STX18: variants seen among roughly 807,000 people sequenced by gnomAD.
STX18 encodes the protein syntaxin 18, also known as syntaxin-18.
STX18 carries 40 observed loss-of-function variants against 50.1 expected under a neutral mutation model. The ratio of observed to expected loss-of-function variants is 0.80; its 90% CI spans 0.62 to 1.04. STX18 has a LOEUF of 1.04. STX18 is among the 50% of genes least tolerant of loss of function. The probability of loss-of-function intolerance (pLI) is 0.00; values close to 1 mark genes in which losing one functional copy is unlikely to be tolerated. For synonymous variants in STX18, 158 were observed against 151.8 expected (o/e 1.04, Z -0.30); for missense variants, 410 against 415.8 (o/e 0.99, Z 0.12).
chr4:4,539,086 T>C (rs1476023192), intron 1 of STX18, among the ~76,000 whole-genome samples: 1 of 152,184 alleles, frequency 6.6e-6, no homozygotes, highest in Non-Finnish European at 1.5e-5. Flanking sequence ...GCAGTTTCAA[T>C]GCAATTTTAT....
At position 4,527,808 on chromosome 4, in the gene STX18, T is replaced by A. The variant is rs980408316; in HGVS notation, c.168+13989A>T. Among the ~76,000 whole-genome samples the A allele has an allele frequency of 4.8e-5, 7 of 146,976 alleles. No homozygotes were observed. In the South Asian group the frequency reaches 1.1e-3, roughly 22 times the overall value. Reference sequence around the variant, plus strand: ...TATAATTTTATATATATATATGTTTTTATATATATATAATTTTATATATAT... The same window carrying A: ...TATAATTTTATATATATATATGTTTATATATATATATAATTTTATATATAT... On this transcript the variant is annotated intron_variant, in intron 1 of 10. Transcript: ENST00000306200.
intron 1 of STX18, among the ~76,000 whole-genome samples, chr4:4,529,906 G>A (rs1353036888): frequency 3.3e-5 from 5 of 152,110 alleles, no homozygotes; most frequent in African/African-American, 1.2e-4. Flanking sequence ...ATTTGTGGAT[G>A]ATTTTCTCAT....
At chr4:4,533,116 G>T (rs1329681880) in intron 1 of STX18, among the ~76,000 whole-genome samples, 1 of 152,174 alleles carries the variant, frequency 6.6e-6, no homozygotes, top group Non-Finnish European at 1.5e-5. Flanking sequence ...CAACTGTGCT[G>T]CAAGCTTTCC....
At chr4:4,491,198 G>A (rs548471692) in intron 1 of STX18, among the ~76,000 whole-genome samples, 53 of 151,450 alleles carry the variant, frequency 3.5e-4, no homozygotes, top group African/African-American at 1.2e-3. Context: ...AAGCATTCCC[G>A]GATCAGGCAT....
At chr4:4,460,223 T>A (rs2108820108) in intron 2 of STX18, among the ~76,000 whole-genome samples, 1 of 152,308 alleles carries the variant, frequency 6.6e-6, no homozygotes, top group Admixed American at 6.5e-5. Context: ...CACTGCTGTA[T>A]CCCCATCATC....
intron 1 of STX18, among the ~76,000 whole-genome samples, chr4:4,524,196 C>T (rs1280951816): frequency 6.6e-6 from 1 of 152,128 alleles, no homozygotes; most frequent in South Asian, 2.1e-4. Flanking sequence ...CTCAGAGATA[C>T]CTTCAGTTCA....
intron 5 of STX18, among the ~76,000 whole-genome samples, chr4:4,439,230 T>C (rs915986999): frequency 1.1e-4 from 11 of 101,696 alleles, no homozygotes; most frequent in African/African-American, 7.5e-4. Flanking sequence ...CCCCCACATA[T>C]ACACACACAC....
At chr4:4,492,996 TATTCAC>T (rs1729008961) in intron 1 of STX18, among the ~76,000 whole-genome samples, 1 of 152,222 alleles carries the variant, frequency 6.6e-6, no homozygotes, top group Non-Finnish European at 1.5e-5. Context: ...TTTTAAAAGT[TATTCAC>T]ATTCTGATTC....
At chr4:4,460,217 G>A (rs1420427594) in intron 2 of STX18, among the ~76,000 whole-genome samples, 1 of 152,114 alleles carries the variant, frequency 6.6e-6, no homozygotes, top group African/African-American at 2.4e-5. Context: ...TTTGTTCACT[G>A]CTGTATCCCC....
chr4:4,424,345 A>C (rs1448008625), intron 8 of STX18, among the ~76,000 whole-genome samples: 2 of 152,152 alleles, frequency 1.3e-5, no homozygotes, highest in African/African-American at 4.8e-5. Flanking sequence ...GGCCAGGTGG[A>C]AGCAGTGATG....
intron 1 of STX18, among the ~76,000 whole-genome samples, chr4:4,504,860 C>T (rs970250759): frequency 1.3e-5 from 2 of 151,334 alleles, no homozygotes; most frequent in Admixed American, 6.6e-5. Context: ...GGTGGGAGCA[C>T]AAAATTGTAC....
At chr4:4,489,593 T>C (rs909044058) in intron 1 of STX18, among the ~76,000 whole-genome samples, 11 of 151,916 alleles carry the variant, frequency 7.2e-5, no homozygotes, top group Admixed American at 4.6e-4. Context: ...CTTTCTAACA[T>C]CTTCTTTGTT....
At chr4:4,433,202 CA>C (rs1725603167) in intron 7 of STX18, among the ~76,000 whole-genome samples, 1 of 152,184 alleles carries the variant, frequency 6.6e-6, no homozygotes, top group African/African-American at 2.4e-5. Context: ...TTCAACAGGA[CA>C]ACATATGTAA....
At position 4,420,356 on chromosome 4, in the gene STX18, A is replaced by C. The variant is rs1291395960; in HGVS notation, c.913-227T>G. Reference sequence around the variant, plus strand: ...TTTGGGTCCTGCACAATTCTCCCTCAACACAACTCTCGGAATCACTCCCTT... The same window carrying C: ...TTTGGGTCCTGCACAATTCTCCCTCCACACAACTCTCGGAATCACTCCCTT... On this transcript the variant is annotated intron_variant, in intron 10 of 10. Transcript: ENST00000306200. The surrounding 1 kb of genome is among the most constrained non-coding windows in gnomAD (Gnocchi z 4.3). 3 of 526,214 alleles carry C rather than the reference A, an allele frequency of 5.7e-6. No individual in the cohort carries two copies. The highest frequency in any genetic ancestry group is 1.0e-5 in the Non-Finnish European group (3 of 291,576). 32.6% of individuals were successfully genotyped at this position (526,214 alleles called of 1,614,324 possible).
chr4:4,454,774 G>A (rs1392045058), intron 5 of STX18, among the ~76,000 whole-genome samples: 1 of 152,062 alleles, frequency 6.6e-6, no homozygotes, highest in African/African-American at 2.4e-5. Flanking sequence ...CTGTGATGCT[G>A]GACAGCTAAC....
intron 7 of STX18, among the ~76,000 whole-genome samples, chr4:4,426,860 T>G (rs984987382): frequency 2.6e-5 from 4 of 152,148 alleles, no homozygotes; most frequent in Non-Finnish European, 4.4e-5. Context: ...CACACTGTTA[T>G]CCATGCCCTG....
chr4:4,491,354 C>T (rs1728932945), intron 1 of STX18, among the ~76,000 whole-genome samples: 1 of 151,940 alleles, frequency 6.6e-6, no homozygotes, highest in African/African-American at 2.4e-5. Flanking sequence ...CTATATAAGG[C>T]TCAATTAAAG....
At position 4,494,400 on chromosome 4, in the gene STX18, T is replaced by C. The variant is rs150799618; in HGVS notation, c.169-22694A>G. Among the ~76,000 whole-genome samples the C allele has an allele frequency of 1.6e-4, 24 of 152,248 alleles. 1 individual carries two copies. In the East Asian group the frequency reaches 4.4e-3, roughly 28 times the overall value. On this transcript the variant is annotated intron_variant, in intron 1 of 10. Coordinates refer to ENST00000306200, the MANE Select transcript of STX18 (RefSeq NM_016930.4). ...TGACTGAAGACTGAACAGCATACTT[T>C]CAAGTGATTTTTCATATCCAAGTCT...
intron 5 of STX18, among the ~76,000 whole-genome samples, chr4:4,446,537 C>A (rs980391925): frequency 3.3e-5 from 5 of 152,152 alleles, no homozygotes; most frequent in African/African-American, 9.7e-5. Flanking sequence ...AATGAATAGT[C>A]AATCAACACA....
Sources: allele counts gnomAD v4.1 joint callset (sites outside exome capture counted in the v4.1 genomes callset), GRCh38; gene constraint gnomAD v4.1.1; non-coding constraint Gnocchi (gnomAD v3.1); transcripts MANE v1.5; gene names NCBI Gene and HGNC (gene_info 2026-07-23, HGNC 2026-07-21).